Variants in SHISA9 observed in about 807,000 individuals in gnomAD.
The protein encoded by SHISA9 is protein shisa-9.
Under a neutral mutation model 38.0 loss-of-function variants are expected in SHISA9, and 13 were observed. The ratio of observed to expected loss-of-function variants is 0.34; its 90% CI spans 0.22 to 0.54. The LOEUF (loss-of-function observed/expected upper bound fraction) is 0.54, where lower values mean the gene tolerates loss of function less well. SHISA9 is among the 20% of genes least tolerant of loss of function. The pLI, the probability that SHISA9 is intolerant of heterozygous loss-of-function variation, is 0.91. For synonymous variants in SHISA9, 275 were observed against 242.0 expected, an observed-to-expected ratio of 1.14 and a Z score of -1.27; for missense variants, 538 against 575.8, an observed-to-expected ratio of 0.93 and a Z score of 0.67.
chr16:13,188,659 G>A (rs992616141), intron 2 of SHISA9, among the ~76,000 whole-genome samples: 1 of 142,840 alleles, frequency 7.0e-6, no homozygotes, highest in African/African-American at 2.6e-5. Context: ...CGAGGGTGCT[G>A]TGAGCTATGA....
chr16:13,118,214 A>G (rs60363408), intron 2 of SHISA9, among the ~76,000 whole-genome samples: 4,498 of 149,456 alleles, frequency 0.03, 97 homozygotes, highest in East Asian at 0.11. Context: ...CACAATCTAG[A>G]GCTGGGAGAT....
chr16:13,061,912 G>T (rs932330554), intron 2 of SHISA9, among the ~76,000 whole-genome samples: 1 of 152,158 alleles, frequency 6.6e-6, no homozygotes, highest in African/African-American at 2.4e-5. Context: ...TAAGCAGACG[G>T]AAGAGCCTGC....
chr16:13,413,258 G>A, the SHISA9 span, among the ~76,000 whole-genome samples: 1 of 152,194 alleles, frequency 6.6e-6, no homozygotes, highest in Non-Finnish European at 1.5e-5. Context: ...AATTTGAGTA[G>A]ACACAGCCTG....
At chr16:12,931,606 A>G (rs1345965207) in intron 2 of SHISA9, among the ~76,000 whole-genome samples, 2 of 152,194 alleles carry the variant, frequency 1.3e-5, no homozygotes, top group Admixed American at 1.3e-4. Context: ...TGTTGCCACA[A>G]AGGACATGAT....
chr16:13,494,380 A>G, the SHISA9 span, among the ~76,000 whole-genome samples: 5 of 152,060 alleles, frequency 3.3e-5, no homozygotes, highest in African/African-American at 7.2e-5. Context: ...GAAACCCAAA[A>G]CTCCACCCAA....
At chr16:13,543,806 G>T in the SHISA9 span, among the ~76,000 whole-genome samples, 1 of 152,086 alleles carries the variant, frequency 6.6e-6, no homozygotes, top group Non-Finnish European at 1.5e-5. Context: ...CTTCCCAAAG[G>T]CATCCATGGC....
chr16:13,016,125 T>C (rs1342800179), intron 2 of SHISA9, among the ~76,000 whole-genome samples: 1 of 150,652 alleles, frequency 6.6e-6, no homozygotes, highest in Non-Finnish European at 1.5e-5. Context: ...GTAGCTGGAA[T>C]TACAGGCCTG....
chr16:13,045,630 G>GGGAGAGGGAGAA (rs1164126467), intron 2 of SHISA9, among the ~76,000 whole-genome samples: 2 of 86,534 alleles, frequency 2.3e-5, no homozygotes, highest in African/African-American at 7.7e-5. Context: ...GAGAGGGAGA[G>GGGAGAGGGAGAA]GGAGAGGGAG....
At chr16:13,287,933 G>C in the SHISA9 span, among the ~76,000 whole-genome samples, 2 of 152,230 alleles carry the variant, frequency 1.3e-5, no homozygotes, top group African/African-American at 4.8e-5. Flanking sequence ...AAGCCCCTTC[G>C]CTAATGGGTG....
At chr16:13,548,416 A>G in the SHISA9 span, among the ~76,000 whole-genome samples, 5 of 152,236 alleles carry the variant, frequency 3.3e-5, no homozygotes, top group African/African-American at 9.6e-5. Flanking sequence ...CAGAGTGAAG[A>G]GACAACCTAC....
chr16:13,211,334 A>G (rs1462505837), intron 3 of SHISA9, among the ~76,000 whole-genome samples: 1 of 151,886 alleles, frequency 6.6e-6, no homozygotes, highest in Non-Finnish European at 1.5e-5. Flanking sequence ...GAAAGTAAAA[A>G]TTTCCCTATG....
chr16:13,524,660 G>T, the SHISA9 span, among the ~76,000 whole-genome samples: 1 of 152,158 alleles, frequency 6.6e-6, no homozygotes, highest in East Asian at 1.9e-4. Context: ...CTGGGCTCAA[G>T]CAATCCTCCT....
At chr16:13,425,870 A>G in the SHISA9 span, among the ~76,000 whole-genome samples, 1 of 152,132 alleles carries the variant, frequency 6.6e-6, no homozygotes, top group Admixed American at 6.5e-5. Flanking sequence ...AAGACCCCAG[A>G]GTAACTCTGA....
intron 2 of SHISA9, among the ~76,000 whole-genome samples, chr16:12,999,626 C>G (rs9934941): frequency 1 from 152,197 of 152,352 alleles, 76,021 homozygotes; most frequent in Non-Finnish European, 1. Flanking sequence ...CCTACCTTGA[C>G]CTAGCAGGTT....
chr16:13,184,641 C>T (rs954272587), intron 2 of SHISA9, among the ~76,000 whole-genome samples: 14 of 152,308 alleles, frequency 9.2e-5, no homozygotes, highest in African/African-American at 3.1e-4. Flanking sequence ...GTGAACCTGG[C>T]AGCCACTGCT....
chr16:13,321,344 G>T, the SHISA9 span, among the ~76,000 whole-genome samples: 1 of 152,194 alleles, frequency 6.6e-6, no homozygotes, highest in Non-Finnish European at 1.5e-5. Context: ...GTCAATAAAT[G>T]AATGAATGAA....
At chr16:13,187,225 T>G (rs2050833335) in intron 2 of SHISA9, among the ~76,000 whole-genome samples, 1 of 152,124 alleles carries the variant, frequency 6.6e-6, no homozygotes, top group Non-Finnish European at 1.5e-5. Context: ...GTTCTCTGGC[T>G]CTGCATGACC....
rs1412281683 is a variant in SHISA9, at chr16:13,164,739, T to A, written c.692-38655T>A. On this transcript the variant is annotated intron_variant, in intron 2 of 4. Coordinates refer to ENST00000558583, the MANE Select transcript of SHISA9 (RefSeq NM_001145204.3). Reference sequence around the variant, plus strand: ...CATTTTTATTTCCCTCTTAATTTTTTAATTTTATTCATAGGTTATTTAGAA... The same window carrying A: ...CATTTTTATTTCCCTCTTAATTTTTAAATTTTATTCATAGGTTATTTAGAA... 3.9e-5 allele frequency among the ~76,000 whole-genome samples: 6 copies of A among 152,266 alleles called. No homozygotes were observed. The East Asian group carries it at 5.8e-4, about 15-fold the overall frequency.
the SHISA9 span, among the ~76,000 whole-genome samples, chr16:13,544,429 GT>G: frequency 2.4e-3 from 246 of 102,096 alleles, no homozygotes; most frequent in Middle Eastern, 0.014. Context: ...TTTTTTTCTT[GT>G]TTTTTTTTTT....
Sources: gnomAD v4.1 joint callset for allele counts (sites outside exome capture counted in the v4.1 genomes callset) on GRCh38, gnomAD v4.1.1 for gene constraint, MANE v1.5 for transcripts, NCBI Gene and HGNC (gene_info 2026-07-23, HGNC 2026-07-21) for gene names.